UNC13C: variants seen among roughly 807,000 people sequenced by gnomAD.
The protein encoded by UNC13C is protein unc-13 homolog C.
UNC13C carries 174 observed loss-of-function variants against 245.4 expected under a neutral mutation model. The ratio of observed to expected loss-of-function variants is 0.71; its 90% confidence interval spans 0.63 to 0.80. The LOEUF (loss-of-function observed/expected upper bound fraction) is 0.80. Ranked by LOEUF, UNC13C falls within the 30% of genes least tolerant of loss-of-function variation. The probability of loss-of-function intolerance (pLI) is 0.00; values close to 1 mark genes in which losing one functional copy is unlikely to be tolerated. For missense variants in UNC13C, 2,829 were observed against 2,602.9 expected (o/e 1.09, Z -1.89); for synonymous variants, 992 against 895.1 (o/e 1.11, Z -1.93).
At chr15:54,302,933 A>C (rs575073074) in intron 13 of UNC13C, among the ~76,000 whole-genome samples, 1 of 152,278 alleles carries the variant, frequency 6.6e-6, no homozygotes, top group African/African-American at 2.4e-5. Flanking sequence ...CTAGAACAAC[A>C]TAATGTAAGC....
intron 19 of UNC13C, among the ~76,000 whole-genome samples, chr15:54,435,822 C>G (rs186029646): frequency 4.2e-4 from 64 of 151,720 alleles, no homozygotes; most frequent in Admixed American, 7.9e-4. Flanking sequence ...CTTTTGCAAT[C>G]TATCCATCTG....
the UNC13C span, among the ~76,000 whole-genome samples, chr15:53,902,862 A>G: frequency 6.6e-6 from 1 of 152,326 alleles, no homozygotes; most frequent in South Asian, 2.1e-4. Flanking sequence ...AATACAAGGT[A>G]TGAAGGCAGA....
At position 54,264,338 on chromosome 15, in the gene UNC13C, G is replaced by A; in HGVS notation, c.3619G>A (p.Ala1207Thr). 1.9e-6 allele frequency: 3 copies of A among 1,606,338 alleles called. No homozygotes were observed. Among genetic ancestry groups the A allele is most frequent in the South Asian group, 1.1e-5 (1 of 89,298 alleles). ...AGATTTTGTGCAGTTTACAAAGGCG[G>A]CCAAACAGAGTGTACTGGATGGGAC... ...KEDFVQFTKA[A>T]KQSVLDGTSK... The change falls in exon 9 of 33, where the codon GCC (alanine) becomes ACC (threonine). Residue 1207 changes from alanine to threonine, a missense_variant. Transcript: ENST00000260323.
chr15:54,261,813 G>A (rs529004160), intron 8 of UNC13C, among the ~76,000 whole-genome samples: 7 of 152,274 alleles, frequency 4.6e-5, no homozygotes, highest in African/African-American at 1.7e-4. Flanking sequence ...AAAGTGCTGG[G>A]ATTACAGGCT....
At chr15:54,174,639 T>C (rs1356188426) in intron 4 of UNC13C, among the ~76,000 whole-genome samples, 1 of 152,202 alleles carries the variant, frequency 6.6e-6, no homozygotes, top group African/African-American at 2.4e-5. Context: ...AATATGATTC[T>C]ATCTTAATCA....
chr15:54,469,977 T>C (rs1448021707), intron 19 of UNC13C, among the ~76,000 whole-genome samples: 1 of 151,598 alleles, frequency 6.6e-6, no homozygotes, highest in Non-Finnish European at 1.5e-5. Context: ...AAAGTGATGT[T>C]TAATTTTATC....
intron 29 of UNC13C, among the ~76,000 whole-genome samples, chr15:54,555,904 A>G (rs1897069048): frequency 6.6e-6 from 1 of 152,020 alleles, no homozygotes; most frequent in South Asian, 2.1e-4. Context: ...ATTTGTTTTT[A>G]TATGTTTTCT....
intron 4 of UNC13C, among the ~76,000 whole-genome samples, chr15:54,182,810 G>C (rs564678593): frequency 1.9e-4 from 29 of 151,898 alleles, no homozygotes; most frequent in African/African-American, 7.0e-4. Flanking sequence ...AGATAGAAAA[G>C]TACCAGAAAG....
At chr15:53,902,396 A>C in the UNC13C span, among the ~76,000 whole-genome samples, 2 of 152,176 alleles carry the variant, frequency 1.3e-5, no homozygotes, top group East Asian at 3.9e-4. Flanking sequence ...AAGAGAAAGA[A>C]GACTGATATG....
chr15:54,552,915 T>C (rs1203139768), intron 28 of UNC13C, among the ~76,000 whole-genome samples: 2 of 98,316 alleles, frequency 2.0e-5, no homozygotes, highest in East Asian at 3.1e-4. Flanking sequence ...ATATATAATA[T>C]ATATTGTATT....
At chr15:53,953,411 A>G in the UNC13C span, among the ~76,000 whole-genome samples, 1 of 152,182 alleles carries the variant, frequency 6.6e-6, no homozygotes. Flanking sequence ...ATTAGCAATG[A>G]GTCTCCAACT....
chr15:54,391,523 C>A (rs896715212), intron 17 of UNC13C, among the ~76,000 whole-genome samples: 5 of 151,804 alleles, frequency 3.3e-5, no homozygotes, highest in Non-Finnish European at 5.9e-5. Context: ...CTAATATAAC[C>A]CAGGAATTGA....
intron 17 of UNC13C, among the ~76,000 whole-genome samples, chr15:54,368,588 A>C (rs2140878485): frequency 6.6e-6 from 1 of 151,894 alleles, no homozygotes; most frequent in East Asian, 1.9e-4. Flanking sequence ...CACCCTTAAA[A>C]ACACAAGGAG....
intron 30 of UNC13C, among the ~76,000 whole-genome samples, chr15:54,570,624 C>A (rs998646948): frequency 6.6e-6 from 1 of 152,108 alleles, no homozygotes; most frequent in African/African-American, 2.4e-5. Context: ...ATCACAATCC[C>A]ATCTCAATAT....
At position 54,555,492 on chromosome 15, in the gene UNC13C, G is replaced by A; in HGVS notation, c.5938G>A (p.Val1980Ile). The A allele has an allele frequency of 1.2e-6, 2 of 1,611,930 alleles. No homozygotes were observed. Among genetic ancestry groups the A allele is most frequent in the South Asian group, 1.1e-5 (1 of 90,846 alleles). ...GCCAAGACAATGCGCTATAATGGAG[G>A]TAGTCCTGGCTACCATCAAGGTGAG... ...LTPRQCAIME[V>I]VLATIKQYFH... The change falls in exon 29 of 33, where the codon GTA (valine) becomes ATA (isoleucine). Residue 1980 changes from valine to isoleucine, a missense_variant. Coordinates refer to ENST00000260323, the MANE Select transcript of UNC13C (RefSeq NM_001080534.3).
intron 30 of UNC13C, among the ~76,000 whole-genome samples, chr15:54,615,316 C>A (rs921740067): frequency 1.3e-5 from 2 of 152,016 alleles, no homozygotes; most frequent in African/African-American, 4.8e-5. Flanking sequence ...TCTTAACTTC[C>A]TTTGGTTACT....
At chr15:54,366,987 A>G (rs542328) in intron 17 of UNC13C, among the ~76,000 whole-genome samples, 72,299 of 151,900 alleles carry the variant, frequency 0.48, 17,746 homozygotes, top group East Asian at 0.83. Context: ...GGAAAACTGG[A>G]TGGCTGTCAT....
chr15:53,971,298 TA>T, the UNC13C span, among the ~76,000 whole-genome samples: 14 of 152,048 alleles, frequency 9.2e-5, no homozygotes, highest in East Asian at 1.9e-4. Context: ...AAAAATTAAC[TA>T]AAAAATGGAT....
intron 30 of UNC13C, among the ~76,000 whole-genome samples, chr15:54,602,722 A>T (rs1352358601): frequency 6.6e-6 from 1 of 152,148 alleles, no homozygotes; most frequent in Non-Finnish European, 1.5e-5. Flanking sequence ...GTTCCTCCAT[A>T]CGTCTCATCA....
Sources: gnomAD v4.1 joint callset for allele counts (sites outside exome capture counted in the v4.1 genomes callset) on GRCh38, gnomAD v4.1.1 for gene constraint, MANE v1.5 for transcripts, NCBI Gene and HGNC (gene_info 2026-07-23, HGNC 2026-07-21) for gene names.